The following CRACDL variants were observed in gnomAD, a reference collection of about 807,000 sequenced individuals.
CRACDL encodes the protein CRACD like.
Under a neutral mutation model 70.6 loss-of-function variants are expected in CRACDL, and 26 were observed. The ratio of observed to expected loss-of-function variants is 0.37; its 90% CI spans 0.27 to 0.51. The LOEUF is 0.51. CRACDL is among the 20% of genes least tolerant of loss of function. CRACDL has a pLI of 0.94. For missense variants in CRACDL, 1,283 were observed against 1,376.9 expected (o/e 0.93, Z 1.08); for synonymous variants, 618 against 615.2 (o/e 1.00, Z -0.07).
At chr2:98,926,965 G>C (rs557746678) in intron 1 of CRACDL, among the ~76,000 whole-genome samples, 1 of 152,152 alleles carries the variant, frequency 6.6e-6, no homozygotes, top group Admixed American at 6.5e-5. Flanking sequence ...CCAGGGATTC[G>C]TTTCTAAGTA....
Position 98,936,215 on chromosome 2 carries a change from C to G in CRACDL, c.-288G>C, listed in dbSNP as rs1709203511. ...CAGCTGCAGGCGCGCCGGCTTCGCT[C>G]GGCTCCGCTCGGCTCGGCGGGGGCG... On this transcript the variant is annotated 5_prime_UTR_variant, in exon 1 of 10. Transcript: ENST00000397899. The G allele has an allele frequency of 1.3e-5, 2 of 149,672 alleles. No individual in the cohort carries two copies. The highest frequency in any genetic ancestry group is 3.0e-5 in the Non-Finnish European group (2 of 66,966). 9.3% of individuals were successfully genotyped at this position (149,672 alleles called of 1,614,324 possible). A position where few individuals can be genotyped will look rare whatever the true frequency, so the allele number is the denominator to read the frequency against.
chr2:98,930,103 C>A (rs1221658892), intron 1 of CRACDL, among the ~76,000 whole-genome samples: 1 of 152,066 alleles, frequency 6.6e-6, no homozygotes, highest in Non-Finnish European at 1.5e-5. Flanking sequence ...CCAGACGTGG[C>A]AGGGCAGAAC....
In CRACDL at chr2:98,804,149, G is replaced by A. The variant is rs147723605; in HGVS notation, c.2417-6612C>T. The stretch of plus-strand genomic sequence containing the variant: ...TGTGTGATCTCACTGTGGAACTCAG[G>A]GTGGTAATGCTCAACCAAGTCTTCT... On this transcript the variant is annotated intron_variant, in intron 7 of 9. Coordinates refer to ENST00000397899, the MANE Select transcript of CRACDL (RefSeq NM_207362.3). Among the ~76,000 whole-genome samples, 501 of 152,314 alleles carry A rather than the reference G, an allele frequency of 3.3e-3. 3 individuals are homozygous for A. The highest frequency in any genetic ancestry group is 0.014 in the Middle Eastern group (4 of 294).
chr2:98,846,891 T>C, intron 1 of CRACDL, 81 bp from the exon 2 acceptor site: 1 of 1,192,820 alleles, frequency 8.4e-7, no homozygotes, highest in Non-Finnish European at 1.3e-6. Context: ...CGTGACTGCA[T>C]TTGCCATGAT....
chr2:98,913,102 A>C (rs897657419), intron 1 of CRACDL: 1 of 152,226 alleles, frequency 6.6e-6, no homozygotes, highest in African/African-American at 2.4e-5. Flanking sequence ...TCAGAAAAGA[A>C]GGGAGATAAT....
intron 1 of CRACDL, among the ~76,000 whole-genome samples, chr2:98,920,358 GACTACACTGTGCATACT>G (rs1408477432): frequency 1.3e-5 from 2 of 152,184 alleles, no homozygotes; most frequent in East Asian, 3.9e-4. Context: ...GCAGGCAGAG[GACTACACTGTGCATACT>G]TCGCATGTGT....
intron 7 of CRACDL, 104 bp from the exon 8 acceptor site, chr2:98,797,641 G>A (rs1430794311): frequency 8.2e-6 from 9 of 1,096,624 alleles, no homozygotes; most frequent in African/African-American, 3.1e-5. Flanking sequence ...GTTCAGGGTT[G>A]CAGGGTGTCT....
intron 7 of CRACDL, among the ~76,000 whole-genome samples, chr2:98,799,484 T>G (rs1363287514): frequency 6.6e-6 from 1 of 152,074 alleles, no homozygotes; most frequent in Non-Finnish European, 1.5e-5. Flanking sequence ...CCCTGGGGCC[T>G]CCACCTGACT....
At chr2:98,929,328 T>C (rs1174607449) in intron 1 of CRACDL, among the ~76,000 whole-genome samples, 1 of 152,210 alleles carries the variant, frequency 6.6e-6, no homozygotes, top group Non-Finnish European at 1.5e-5. Context: ...CCCTTGGACC[T>C]GGTGTGGCCC....
At chr2:98,876,947 T>C (rs2104608044) in intron 1 of CRACDL, among the ~76,000 whole-genome samples, 1 of 152,340 alleles carries the variant, frequency 6.6e-6, no homozygotes, top group Non-Finnish European at 1.5e-5. Flanking sequence ...CTTCCACTTT[T>C]AGAGATACAT....
In CRACDL at chr2:98,864,535, C is replaced by T. The variant is rs532471688; in HGVS notation, c.-10-17725G>A. On this transcript the variant is annotated intron_variant, in intron 1 of 9. Transcript: ENST00000397899. ...GGTGCACAACTCTTTAACAAAAACC[C>T]ATTGATTGTACCCTTTTTTTTTTTT... is the stretch of plus-strand genomic sequence containing the variant. Among the ~76,000 whole-genome samples, 10 of 151,518 alleles carry T rather than the reference C, an allele frequency of 6.6e-5. No homozygotes were observed. The South Asian group carries it at 1.9e-3, about 28-fold the overall frequency.
At chr2:98,797,252 G>A (rs950179395) in intron 8 of CRACDL, 98 bp downstream of exon 8, 20 of 1,116,492 alleles carry the variant, frequency 1.8e-5, no homozygotes, top group Admixed American at 4.3e-5. Context: ...TCCCTGTGAC[G>A]CCCATGCAGC....
In CRACDL at chr2:98,822,586, T is replaced by C; in HGVS notation, c.1687A>G (p.Arg563Gly). The C allele has an allele frequency of 2.1e-6, 3 of 1,441,168 alleles. No individual in the cohort carries two copies. The highest frequency in any genetic ancestry group is 2.7e-5 in the South Asian group (2 of 73,400). 89.3% of individuals were successfully genotyped at this position (1,441,168 alleles called of 1,614,324 possible). Residue 563 changes from arginine to glycine, a missense_variant, in exon 7 of 10, where the codon AGG (arginine) becomes GGG (glycine). Around this residue, in one of 2 missense-constraint regions of CRACDL, gnomAD observed 921 missense variants for 881.9 expected, o/e 1.04. Coordinates refer to ENST00000397899, the MANE Select transcript of CRACDL (RefSeq NM_207362.3). The surrounding 1 kb of genome is among the most constrained non-coding windows in gnomAD (Gnocchi z 4.9). ...GCGCCTCGCAGCTCGGCACCGCCCCTCTCCGCCTTCCGCTCTGGCGCCGCC... is the reference window on the plus strand; with the variant it reads ...GCGCCTCGCAGCTCGGCACCGCCCCCCTCCGCCTTCCGCTCTGGCGCCGCC... ...ERAAPERKAERGGAELRGAKK... is the reference protein window; with the variant it reads ...ERAAPERKAEGGGAELRGAKK...
chr2:98,895,955 A>C (rs1708112314), intron 1 of CRACDL, among the ~76,000 whole-genome samples: 1 of 152,168 alleles, frequency 6.6e-6, no homozygotes, highest in Non-Finnish European at 1.5e-5. Context: ...CCTACGAACC[A>C]GAAAGTGGAT....
At chr2:98,881,251 C>T (rs1707643591) in intron 1 of CRACDL, among the ~76,000 whole-genome samples, 1 of 152,202 alleles carries the variant, frequency 6.6e-6, no homozygotes, top group Non-Finnish European at 1.5e-5. Flanking sequence ...GCTGGTACCC[C>T]TGCCCCTCAA....
At chr2:98,809,929 A>C (rs1704485705) in intron 7 of CRACDL, 1 of 152,224 alleles carries the variant, frequency 6.6e-6, no homozygotes, top group African/African-American at 2.4e-5. Context: ...TAAGACTCAG[A>C]GTTTACAAGA....
At chr2:98,883,573 A>G (rs937137440) in intron 1 of CRACDL, among the ~76,000 whole-genome samples, 1 of 152,222 alleles carries the variant, frequency 6.6e-6, no homozygotes, top group Non-Finnish European at 1.5e-5. Flanking sequence ...AAGGGGCAGC[A>G]GCATATTGCT....
Position 98,822,626 on chromosome 2 carries a change from CG to C in CRACDL, c.1646del (p.Pro549ArgfsTer155). On this transcript the variant is annotated frameshift_variant, in exon 7 of 10. Transcript: ENST00000397899. LOFTEE classifies it high-confidence loss of function. This position sits in a 1 kb window ranked among gnomAD's most constrained non-coding sequence, Gnocchi z 4.9. ...RPKAERAEAP[P>X]AGAERAAPER... ...CTGGCGCCGCCCTCTCGGCGCCCGC[CG>C]GTGGCGCCTCGGCTCGCTCGGCCTT... 1 of 1,370,176 alleles carries C rather than the reference CG, an allele frequency of 7.3e-7. No homozygotes were observed. The highest frequency in any genetic ancestry group is 1.7e-5 in the South Asian group (1 of 59,264). 84.9% of individuals were successfully genotyped at this position (1,370,176 alleles called of 1,614,324 possible). A position where few individuals can be genotyped will look rare whatever the true frequency, so the allele number is the denominator to read the frequency against.
At chr2:98,834,706 T>G (rs571901551) in intron 3 of CRACDL, among the ~76,000 whole-genome samples, 112 of 152,258 alleles carry the variant, frequency 7.4e-4, no homozygotes, top group Non-Finnish European at 1.2e-3. Flanking sequence ...AATTAAAAGA[T>G]GAAACCAAAC....
Sources: allele counts gnomAD v4.1 joint callset (sites outside exome capture counted in the v4.1 genomes callset), GRCh38; gene constraint gnomAD v4.1.1; regional missense constraint gnomAD v4.1.1; non-coding constraint Gnocchi (gnomAD v3.1); transcripts MANE v1.5; gene names NCBI Gene and HGNC (gene_info 2026-07-23, HGNC 2026-07-21).